Variants in EMP2 observed in about 807,000 individuals in gnomAD.
EMP2 encodes the protein epithelial membrane protein 2.
Under a neutral mutation model 13.7 loss-of-function variants are expected in EMP2, and 19 were observed. The observed-to-expected ratio is 1.38, with a 90% CI of 0.97 to 2.03. The LOEUF is 2.03. Ranked by LOEUF, EMP2 falls within the 30% of genes most tolerant of loss-of-function variation. EMP2 has a pLI of 0.00. For missense variants in EMP2, 253 were observed against 220.7 expected, an observed-to-expected ratio of 1.15 and a Z score of -0.93; for synonymous variants, 97 against 84.7, an observed-to-expected ratio of 1.15 and a Z score of -0.80.
At chr16:10,574,768 T>G (rs2050971126) in intron 1 of EMP2, among the ~76,000 whole-genome samples, 1 of 151,964 alleles carries the variant, frequency 6.6e-6, no homozygotes, top group Non-Finnish European at 1.5e-5. Context: ...GCCAGGATGG[T>G]CTCGATCTCC....
chr16:10,575,168 C>A (rs2050974062), intron 1 of EMP2, among the ~76,000 whole-genome samples: 1 of 149,554 alleles, frequency 6.7e-6, no homozygotes, highest in Non-Finnish European at 1.5e-5. Context: ...TTAAGGAAAC[C>A]TTTGCACACC....
Position 10,580,244 on chromosome 16 carries a change from T to C in EMP2, c.-61+305A>G, listed in dbSNP as rs1439619844. 6.6e-6 allele frequency among the ~76,000 whole-genome samples: 1 copy of C among 152,008 alleles called. No individual in the cohort carries two copies. The highest frequency in any genetic ancestry group is 1.5e-5 in the Non-Finnish European group (1 of 67,976). On this transcript the variant is annotated intron_variant, in intron 1 of 4. Transcript: ENST00000359543. The surrounding 1 kb of genome is among the most constrained non-coding windows in gnomAD (Gnocchi z 4.3). ...CTCCCTGGACTCCAAGAGCCCCGGGTGTAAGTCCGGCGGGGCGAGGGGAGG... is the reference window on the plus strand; with the variant it reads ...CTCCCTGGACTCCAAGAGCCCCGGGCGTAAGTCCGGCGGGGCGAGGGGAGG...
intron 1 of EMP2, among the ~76,000 whole-genome samples, chr16:10,562,376 CTCTCTA>C (rs1275675672): frequency 1.8e-3 from 233 of 132,856 alleles, no homozygotes; most frequent in Admixed American, 7.1e-3. Context: ...CTCTCTCTCT[CTCTCTA>C]TCTATCTCTC....
rs2050574880 is a variant in EMP2 at position 10,528,771 on chromosome 16, G to A, written c.*4134C>T. 6.6e-6 allele frequency: 1 copy of A among 152,184 alleles called. No homozygotes were observed. Among genetic ancestry groups the A allele is most frequent in the Non-Finnish European group, 1.5e-5 (1 of 68,034 alleles). 9.4% of individuals were successfully genotyped at this position (152,184 alleles called of 1,614,324 possible). On this transcript the variant is annotated 3_prime_UTR_variant, in exon 5 of 5. Transcript: ENST00000359543. ...AATTGTCCAACTTGCTCTATTGTAA[G>A]TAACCTTTAAACTATTAGCGAGTTT...
intron 3 of EMP2, among the ~76,000 whole-genome samples, chr16:10,539,250 T>G (rs551820567): frequency 1.0e-3 from 133 of 127,260 alleles, no homozygotes; most frequent in Middle Eastern, 3.8e-3. Flanking sequence ...TTCTTTTTCT[T>G]TCTGTCTTTT....
chr16:10,579,714 A>G (rs1357315004), intron 1 of EMP2, among the ~76,000 whole-genome samples: 1 of 69,156 alleles, frequency 1.4e-5, no homozygotes, highest in Non-Finnish European at 4.0e-5. Flanking sequence ...AGGTGCACAC[A>G]CACACACACA....
chr16:10,547,512 T>C (rs1292528918), intron 2 of EMP2, 28 bp downstream of exon 2: 1 of 1,613,272 alleles, frequency 6.2e-7, no homozygotes, highest in Non-Finnish European at 8.5e-7. Context: ...CCCAGGTTTC[T>C]GCGTGAGTGG....
At chr16:10,561,342 G>A (rs1003744629) in intron 1 of EMP2, among the ~76,000 whole-genome samples, 25 of 152,190 alleles carry the variant, frequency 1.6e-4, no homozygotes, top group African/African-American at 5.5e-4. Flanking sequence ...AGGAGAAAAC[G>A]GGCTAGAACC....
chr16:10,543,471 TGGA>T, intron 3 of EMP2, 96 bp downstream of exon 3: 1 of 1,347,514 alleles, frequency 7.4e-7, no homozygotes, highest in Non-Finnish European at 1.1e-6. Flanking sequence ...ATGCAGTGAG[TGGA>T]GGAGAGGGTA....
intron 2 of EMP2, chr16:10,546,266 G>A (rs2050737667): frequency 6.6e-6 from 1 of 152,176 alleles, no homozygotes; most frequent in Non-Finnish European, 1.5e-5. Context: ...TGTACTTTTT[G>A]GCTTTCTGAG....
chr16:10,545,678 C>G (rs1416805549), intron 2 of EMP2: 1 of 152,156 alleles, frequency 6.6e-6, no homozygotes, highest in Non-Finnish European at 1.5e-5. Context: ...CACATTATGA[C>G]GAGTTATATA....
At chr16:10,565,750 A>G (rs1053629892) in intron 1 of EMP2, among the ~76,000 whole-genome samples, 3 of 152,198 alleles carry the variant, frequency 2.0e-5, no homozygotes, top group Non-Finnish European at 4.4e-5. Flanking sequence ...GCACTAGGGC[A>G]GATGCTGAGC....
chr16:10,568,777 T>A (rs987778429), intron 1 of EMP2, among the ~76,000 whole-genome samples: 9 of 120,908 alleles, frequency 7.4e-5, no homozygotes, highest in Admixed American at 1.6e-4. Context: ...GTGCTAGGAT[T>A]TTCTTTTTTT....
In EMP2 at chr16:10,538,065, G is replaced by A. The variant is rs143507341; in HGVS notation, c.179C>T (p.Thr60Met). 112 of 1,613,646 alleles carry A rather than the reference G, an allele frequency of 6.9e-5. No homozygotes were observed. The highest frequency in any genetic ancestry group is 7.7e-5 in the Non-Finnish European group (91 of 1,179,946). The stretch of plus-strand genomic sequence containing the variant: ...CATGGTGGCCTGGACCGCCTGCAGC[G>A]TGGAGTACTCTGCGGGAAAAGGGCA... Reference protein sequence around the residue: ...VINDSFQEYSTLQAVQATMIL... With the variant: ...VINDSFQEYSMLQAVQATMIL... Residue 60 changes from threonine (T) to methionine (M), a missense_variant, in exon 4 of 5, where the codon ACG becomes ATG. Physicochemically the swap from Thr to Met is moderately conservative, Grantham distance 81. Coordinates refer to ENST00000359543, the MANE Select transcript of EMP2 (RefSeq NM_001424.6).
chr16:10,561,921 CAGGGCCTGG>C (rs1348430123), intron 1 of EMP2, among the ~76,000 whole-genome samples: 1 of 152,178 alleles, frequency 6.6e-6, no homozygotes, highest in Non-Finnish European at 1.5e-5. Flanking sequence ...AGGGTTTATC[CAGGGCCTGG>C]AGTCTCTTCT....
In EMP2 at chr16:10,547,337, A is replaced by G. The variant is rs902293155; in HGVS notation, c.78+203T>C. 9.0e-6 allele frequency: 5 copies of G among 554,056 alleles called. No individual in the cohort carries two copies. The African/African-American group carries it at 9.5e-5, about 11-fold the overall frequency. The allele number at this position is 554,056 out of a possible 1,614,324, so 34.3% of individuals were successfully genotyped here. A position where few individuals can be genotyped will look rare whatever the true frequency, so the allele number is the denominator to read the frequency against. On this transcript the variant is annotated intron_variant, in intron 2 of 4. Transcript: ENST00000359543. Reference sequence around the variant, plus strand: ...CACGCTCTCTTGCCTGCCACCATGTAAGATGTGGCTTTGCTCCTCCTTTGC... The same window carrying G: ...CACGCTCTCTTGCCTGCCACCATGTGAGATGTGGCTTTGCTCCTCCTTTGC...
At chr16:10,571,907 T>C (rs556804171) in intron 1 of EMP2, among the ~76,000 whole-genome samples, 152 of 152,334 alleles carry the variant, frequency 1.0e-3, no homozygotes, top group Non-Finnish European at 1.7e-3. Context: ...AACACCAGCC[T>C]GGTCCACTGC....
intron 1 of EMP2, among the ~76,000 whole-genome samples, chr16:10,561,376 A>G (rs1361232607): frequency 1.3e-5 from 2 of 152,190 alleles, no homozygotes; most frequent in African/African-American, 4.8e-5. Context: ...TCATGGGTAC[A>G]CAGGTGGCAG....
chr16:10,555,959 T>G (rs748252657), intron 1 of EMP2, among the ~76,000 whole-genome samples: 1 of 152,196 alleles, frequency 6.6e-6, no homozygotes, highest in Non-Finnish European at 1.5e-5. Context: ...ACAATACTCA[T>G]GCACTTCTAT....
Sources: gnomAD v4.1 joint callset for allele counts (sites outside exome capture counted in the v4.1 genomes callset) on GRCh38, gnomAD v4.1.1 for gene constraint, Gnocchi (gnomAD v3.1) non-coding constraint, MANE v1.5 for transcripts, NCBI Gene and HGNC (gene_info 2026-07-23, HGNC 2026-07-21) for gene names.